Variants in CCDC175 observed in about 807,000 individuals in gnomAD.
CCDC175 encodes coiled-coil domain-containing protein 175.
A neutral mutation model predicts 114.6 loss-of-function variants in CCDC175; 100 were observed. The ratio of observed to expected loss-of-function variants is 0.87; its 90% CI spans 0.74 to 1.03. The LOEUF is 1.03. CCDC175 is among the 50% of genes least tolerant of loss of function. The probability of loss-of-function intolerance (pLI) is 0.00; values close to 1 mark genes in which losing one functional copy is unlikely to be tolerated. For missense variants in CCDC175, 880 were observed against 917.8 expected, an observed-to-expected ratio of 0.96 and a Z score of 0.53; for synonymous variants, 306 against 308.7, an observed-to-expected ratio of 0.99 and a Z score of 0.09.
chr14:59,548,920 T>TA (rs1253513716), intron 8 of CCDC175, among the ~76,000 whole-genome samples: 1 of 152,124 alleles, frequency 6.6e-6, no homozygotes, highest in Non-Finnish European at 1.5e-5. Flanking sequence ...TTATGCTTTG[T>TA]AAAAGAGGGA....
At chr14:59,528,457 T>C (rs1376674641) in intron 14 of CCDC175, among the ~76,000 whole-genome samples, 1 of 152,178 alleles carries the variant, frequency 6.6e-6, no homozygotes, top group African/African-American at 2.4e-5. Context: ...CATGAATATA[T>C]GGCTATATCT....
chr14:59,576,515 GC>G (rs1046979134), intron 1 of CCDC175, 103 bp downstream of exon 1: 4 of 1,123,582 alleles, frequency 3.6e-6, no homozygotes, highest in Non-Finnish European at 4.7e-6. Flanking sequence ...GCCCAGTGAT[GC>G]CCTGGTTCCG....
Position 59,561,191 on chromosome 14 carries a change from T to C in CCDC175, c.881A>G (p.His294Arg), listed in dbSNP as rs748803886. 7.8e-5 allele frequency: 120 copies of C among 1,535,480 alleles called. No individual in the cohort carries two copies. The Middle Eastern group carries it at 1.2e-3, about 15-fold the overall frequency. Residue 294 changes from histidine to arginine, a missense_variant, in exon 7 of 20, where the codon CAC (histidine) becomes CGC (arginine). Coordinates refer to ENST00000537690, the MANE Select transcript of CCDC175 (RefSeq NM_001164399.2). ...SDHNLEIARL[H>R]ESIRYWEQEV... ...TTGTTCCCAATACCTTATTGATTCG[T>C]GTAGTCGTGCTATCTCTAAATTGTG...
At chr14:59,523,833 CA>C (rs752581259) in intron 16 of CCDC175, among the ~76,000 whole-genome samples, 1 of 151,842 alleles carries the variant, frequency 6.6e-6, no homozygotes, top group Admixed American at 6.6e-5. Context: ...ACTAAAAATA[CA>C]AAAAATTAGC....
At chr14:59,514,219 A>T (rs1021367094) in intron 17 of CCDC175, among the ~76,000 whole-genome samples, 2 of 152,210 alleles carry the variant, frequency 1.3e-5, no homozygotes, top group Non-Finnish European at 2.9e-5. Context: ...ATGGGGAAAA[A>T]ACAGAGCAGA....
At chr14:59,515,120 A>T (rs1892996970) in intron 17 of CCDC175, among the ~76,000 whole-genome samples, 2 of 152,228 alleles carry the variant, frequency 1.3e-5, no homozygotes, top group Admixed American at 1.3e-4. Flanking sequence ...AAATGATGAG[A>T]GATTTTGTCA....
chr14:59,533,366 C>T (rs1330310017), intron 13 of CCDC175, among the ~76,000 whole-genome samples: 2 of 152,280 alleles, frequency 1.3e-5, no homozygotes, highest in African/African-American at 2.4e-5. Context: ...GATATTCTAC[C>T]TTCATCAGGC....
chr14:59,557,166 CGT>C (rs1895949614), intron 7 of CCDC175, among the ~76,000 whole-genome samples: 1 of 152,072 alleles, frequency 6.6e-6, no homozygotes. Context: ...CACACGCACA[CGT>C]ATGTTTATTG....
In CCDC175 at chr14:59,563,971, T is replaced by C. The variant is rs1053529717; in HGVS notation, c.721-112A>G. On this transcript the variant is annotated intron_variant, in intron 5 of 19. Coordinates refer to ENST00000537690, the MANE Select transcript of CCDC175 (RefSeq NM_001164399.2). ...ATTCATATTTAATCTAAGTATAACA[T>C]ATTCAAGTATAGTAATAAGTAAAAA... is the stretch of plus-strand genomic sequence containing the variant. 7.5e-5 allele frequency: 44 copies of C among 588,510 alleles called. No homozygotes were observed. The African/African-American group carries it at 7.7e-4, about 10-fold the overall frequency. The allele number at this position is 588,510 out of a possible 1,614,324, so 36.5% of individuals were successfully genotyped here. A position where few individuals can be genotyped will look rare whatever the true frequency, so the allele number is the denominator to read the frequency against.
rs1566591116 is a variant in CCDC175, at chr14:59,510,675, A to T, written c.2276T>A (p.Val759Glu). ...AAGGTCCATTGGTGATTCCTGTTCC[A>T]CAAGCAAACGCAGCCCTTCAAGACT... ...RGSLEGLRLL[V>E]EQESPMDLLK... The change falls in exon 19 of 20, where the codon GTG becomes GAG. Residue 759 changes from valine to glutamate, a missense_variant. By Grantham distance (121) the Val-to-Glu change is moderately radical. Coordinates refer to ENST00000537690, the MANE Select transcript of CCDC175 (RefSeq NM_001164399.2). 1.3e-6 allele frequency: 2 copies of T among 1,537,214 alleles called. No homozygotes were observed. The highest frequency in any genetic ancestry group is 1.7e-6 in the Non-Finnish European group (2 of 1,146,868).
Position 59,576,692 on chromosome 14 carries a change from C to T in CCDC175, c.84G>A (p.Leu28=). The change falls in exon 1 of 20, where the codon CTG becomes CTA. Residue 28 remains leucine, a synonymous_variant. Transcript: ENST00000537690. ...QAAAVSTGPS[L]ELCTLPSTLG... ...GGGTGGAGGGTAAGGTGCATAACTCCAGGGAGGGGCCAGTGGAGACGGCAG... is the reference window on the plus strand; with the variant it reads ...GGGTGGAGGGTAAGGTGCATAACTCTAGGGAGGGGCCAGTGGAGACGGCAG... 3 of 1,487,822 alleles carry T rather than the reference C, an allele frequency of 2.0e-6. No homozygotes were observed. Among genetic ancestry groups the T allele is most frequent in the Non-Finnish European group, 2.7e-6 (3 of 1,126,502 alleles). 92.2% of individuals were successfully genotyped at this position (1,487,822 alleles called of 1,614,324 possible).
Position 59,527,101 on chromosome 14 carries a change from G to C in CCDC175, c.1836C>G (p.Ser612Arg), listed in dbSNP as rs762823116. The change falls in exon 15 of 20, where the codon AGC becomes AGG. Residue 612 changes from serine (S) to arginine (R), a missense_variant. Ser to Arg is a moderately radical substitution (Grantham distance 110). Coordinates refer to ENST00000537690, the MANE Select transcript of CCDC175 (RefSeq NM_001164399.2). ...TAATGCATTGATCTTTTACCATGTT[G>C]CTAATGTATCTTGAAAAGTCCCTTG... ...LFTRDFSRYI[S>R]NMEDVKQELQ... The C allele has an allele frequency of 7.0e-7, 1 of 1,434,896 alleles. No homozygotes were observed. The highest frequency in any genetic ancestry group is 2.5e-5 in the Admixed American group (1 of 40,532). 88.9% of individuals were successfully genotyped at this position (1,434,896 alleles called of 1,614,324 possible).
At chr14:59,511,088 C>T (rs1892712052) in intron 18 of CCDC175, among the ~76,000 whole-genome samples, 1 of 152,080 alleles carries the variant, frequency 6.6e-6, no homozygotes, top group African/African-American at 2.4e-5. Flanking sequence ...GCTAGTTTCA[C>T]CCTCAGAGAA....
At chr14:59,511,697 G>T in intron 18 of CCDC175, 63 bp downstream of exon 18, 1 of 1,317,560 alleles carries the variant, frequency 7.6e-7, no homozygotes, top group Non-Finnish European at 1.1e-6. Flanking sequence ...CACTTATTAG[G>T]TAGGTAAACA....
chr14:59,571,021 G>A lies in CCDC175; in HGVS notation c.355+1681C>T, dbSNP rs556423703. ...CTCCCAAAGTGCTGGGATTACAGGC[G>A]TGAGCCACCTTGCCTGGCCCCTTCT... On this transcript the variant is annotated intron_variant, in intron 3 of 19. Coordinates refer to ENST00000537690, the MANE Select transcript of CCDC175 (RefSeq NM_001164399.2). Among the ~76,000 whole-genome samples the A allele has an allele frequency of 2.0e-4, 30 of 152,102 alleles. 1 individual carries two copies. In the South Asian group the frequency reaches 5.8e-3, roughly 29 times the overall value.
At chr14:59,518,167 A>C (rs1432972823) in intron 17 of CCDC175, among the ~76,000 whole-genome samples, 1 of 152,242 alleles carries the variant, frequency 6.6e-6, no homozygotes, top group Non-Finnish European at 1.5e-5. Flanking sequence ...TACAAAAATT[A>C]ATTCAAGATG....
intron 13 of CCDC175, among the ~76,000 whole-genome samples, chr14:59,533,929 C>T (rs1324870173): frequency 6.8e-6 from 1 of 147,672 alleles, no homozygotes; most frequent in Non-Finnish European, 1.5e-5. Context: ...GCGGAGGTTG[C>T]AGTGAGCCTA....
rs1337137626 is a variant in CCDC175 at position 59,505,100 on chromosome 14, T to C, written c.*139A>G. The C allele has an allele frequency of 2.2e-6, 1 of 448,520 alleles. No individual in the cohort carries two copies. The highest frequency in any genetic ancestry group is 2.0e-5 in the African/African-American group (1 of 50,476). The allele number at this position is 448,520 out of a possible 1,614,324, so 27.8% of individuals were successfully genotyped here. On this transcript the variant is annotated 3_prime_UTR_variant, in exon 20 of 20. Transcript: ENST00000537690. ...TATTGTTTAGAAGTTTATTTACTGA[T>C]ACTTGGTGGAGGTTGTGTGAATTAG...
intron 18 of CCDC175, 94 bp from the exon 19 acceptor site, chr14:59,510,902 A>T: frequency 9.5e-7 from 1 of 1,053,406 alleles, no homozygotes; most frequent in Non-Finnish European, 1.4e-6. Context: ...AAAAAATATT[A>T]TATATGCATA....
Sources: allele counts gnomAD v4.1 joint callset (sites outside exome capture counted in the v4.1 genomes callset), GRCh38; gene constraint gnomAD v4.1.1; transcripts MANE v1.5; gene names NCBI Gene and HGNC (gene_info 2026-07-23, HGNC 2026-07-21).